SIK3: variants seen among roughly 807,000 people sequenced by gnomAD.
The protein encoded by SIK3 is serine/threonine-protein kinase SIK3.
Under a neutral mutation model 144.2 loss-of-function variants are expected in SIK3, and 28 were observed. That is an observed-to-expected ratio of 0.19 (90% CI 0.14 to 0.27). The LOEUF (loss-of-function observed/expected upper bound fraction) is 0.27, where lower values mean the gene tolerates loss of function less well. Ranked by LOEUF, SIK3 falls within the 10% of genes least tolerant of loss-of-function variation. The pLI is 1.00. For missense variants in SIK3, 1,319 were observed against 1,776.0 expected, an observed-to-expected ratio of 0.74 and a Z score of 4.62; for synonymous variants, 686 against 676.3, an observed-to-expected ratio of 1.01 and a Z score of -0.22.
chr11:116,910,906 T>A (rs943102362), intron 4 of SIK3, among the ~76,000 whole-genome samples: 2 of 152,094 alleles, frequency 1.3e-5, no homozygotes, highest in Non-Finnish European at 2.9e-5. Context: ...ACTTTGAAGT[T>A]TTAGAATGCA....
At chr11:116,951,967 T>C (rs1948956942) in intron 3 of SIK3, among the ~76,000 whole-genome samples, 2 of 151,064 alleles carry the variant, frequency 1.3e-5, no homozygotes, top group African/African-American at 4.9e-5. Flanking sequence ...AATAAATAAA[T>C]AAATAAATAA....
rs981849580 is a variant in SIK3 at position 116,844,297 on chromosome 11, A to G, written c.*1346T>C. On this transcript the variant is annotated 3_prime_UTR_variant, in exon 25 of 25. Coordinates refer to ENST00000445177, the MANE Select transcript of SIK3 (RefSeq NM_001366686.3). ...CAAGTAAGAGCTGTTCACAATTACA[A>G]TGCCTAAAGGAAATACTTTGAACAA... 1.3e-5 allele frequency: 2 copies of G among 152,164 alleles called. No homozygotes were observed. The highest frequency in any genetic ancestry group is 4.8e-5 in the African/African-American group (2 of 41,440). 9.4% of individuals were successfully genotyped at this position (152,164 alleles called of 1,614,324 possible).
intron 1 of SIK3, among the ~76,000 whole-genome samples, chr11:117,068,249 C>G (rs1954103283): frequency 6.6e-6 from 1 of 152,118 alleles, no homozygotes; most frequent in African/African-American, 2.4e-5. Flanking sequence ...AGATCAAGCC[C>G]AAATGTCTCA....
At chr11:116,879,873 G>T (rs147593557) in intron 6 of SIK3, among the ~76,000 whole-genome samples, 1 of 152,258 alleles carries the variant, frequency 6.6e-6, no homozygotes, top group Non-Finnish European at 1.5e-5. Context: ...AGCAGCACCT[G>T]TATAGATTAT....
intron 4 of SIK3, chr11:116,904,616 C>T (rs894954582): frequency 1.3e-5 from 2 of 152,124 alleles, no homozygotes; most frequent in Non-Finnish European, 2.9e-5. Context: ...TGTTTTTTCC[C>T]TACAGCATTA....
At chr11:116,953,271 AT>A (rs901956266) in intron 3 of SIK3, among the ~76,000 whole-genome samples, 9 of 152,260 alleles carry the variant, frequency 5.9e-5, no homozygotes, top group South Asian at 2.1e-4. Context: ...ATATTGATAA[AT>A]TTTTTTTAAA....
Position 116,857,993 on chromosome 11 carries a change from C to T in SIK3, c.3472G>A (p.Asp1158Asn), listed in dbSNP as rs1943055760. The T allele has an allele frequency of 1.2e-6, 2 of 1,614,086 alleles. No homozygotes were observed. Among genetic ancestry groups the T allele is most frequent in the Admixed American group, 1.7e-5 (1 of 60,002 alleles). Residue 1158 changes from aspartate to asparagine, a missense_variant, in exon 21 of 25, where the codon GAC (aspartate) becomes AAC (asparagine). By Grantham distance (23) the Asp-to-Asn change is conservative (BLOSUM62 1). Coordinates refer to ENST00000445177, the MANE Select transcript of SIK3 (RefSeq NM_001366686.3). Reference sequence around the variant, plus strand: ...GTCAATGTACTTGAACTCTTACTGTCTTGGAAGCCATCCTTGGCCCCCTCA... The same window carrying T: ...GTCAATGTACTTGAACTCTTACTGTTTTGGAAGCCATCCTTGGCCCCCTCA... ...SCEGAKDGFQDSKSSSTLTKG... is the reference protein window; with the variant it reads ...SCEGAKDGFQNSKSSSTLTKG...
At chr11:117,037,685 G>C (rs1952571672) in intron 1 of SIK3, among the ~76,000 whole-genome samples, 1 of 152,082 alleles carries the variant, frequency 6.6e-6, no homozygotes, top group Non-Finnish European at 1.5e-5. Context: ...AACAACATAA[G>C]GCAACCAGCT....
chr11:117,053,377 G>C (rs1953353817), intron 1 of SIK3, among the ~76,000 whole-genome samples: 1 of 151,004 alleles, frequency 6.6e-6, no homozygotes, highest in South Asian at 2.1e-4. Flanking sequence ...TGCTATTATA[G>C]GTAAGTATGT....
At chr11:117,017,527 AT>A (rs1951589460) in intron 1 of SIK3, among the ~76,000 whole-genome samples, 1 of 112,734 alleles carries the variant, frequency 8.9e-6, no homozygotes, top group Admixed American at 8.6e-5. Context: ...AATAAAACAA[AT>A]GTTTTTTTAA....
intron 1 of SIK3, among the ~76,000 whole-genome samples, chr11:117,073,387 A>G (rs1027453880): frequency 3.9e-5 from 6 of 152,162 alleles, no homozygotes; most frequent in Admixed American, 6.5e-5. Context: ...TTAGAATTCT[A>G]CTGTCCAATT....
intron 1 of SIK3, among the ~76,000 whole-genome samples, chr11:116,978,035 G>A (rs190561793): frequency 1.3e-5 from 2 of 152,202 alleles, no homozygotes; most frequent in Admixed American, 6.5e-5. Context: ...TGGCTAACAC[G>A]GTGAAACCCC....
chr11:117,024,668 G>C (rs1214696421), intron 1 of SIK3, among the ~76,000 whole-genome samples: 1 of 152,158 alleles, frequency 6.6e-6, no homozygotes, highest in Non-Finnish European at 1.5e-5. Context: ...GGGAGGCCAA[G>C]GCAGTTTGTT....
At chr11:116,866,064 A>G (rs1221686009) in intron 15 of SIK3, among the ~76,000 whole-genome samples, 1 of 152,184 alleles carries the variant, frequency 6.6e-6, no homozygotes, top group Non-Finnish European at 1.5e-5. Flanking sequence ...CAATGACTCT[A>G]GGCAGGGTGG....
chr11:117,074,181 G>A (rs1954401658), intron 1 of SIK3, among the ~76,000 whole-genome samples: 1 of 152,160 alleles, frequency 6.6e-6, no homozygotes, highest in South Asian at 2.1e-4. Flanking sequence ...ATAGTGCTCT[G>A]CCAGTGCCTA....
intron 1 of SIK3, among the ~76,000 whole-genome samples, chr11:117,027,388 C>T (rs1027002658): frequency 2.0e-5 from 3 of 152,142 alleles, no homozygotes; most frequent in African/African-American, 7.2e-5. Context: ...ACATCCTAGA[C>T]CATAAGCATC....
At chr11:117,053,650 C>A (rs11826742) in intron 1 of SIK3, among the ~76,000 whole-genome samples, 3 of 150,568 alleles carry the variant, frequency 2.0e-5, no homozygotes, top group Non-Finnish European at 3.0e-5. Flanking sequence ...CTCTTTCCCC[C>A]CTCCCACCCT....
At chr11:116,893,114 T>C (rs1248635465) in intron 6 of SIK3, among the ~76,000 whole-genome samples, 1 of 152,200 alleles carries the variant, frequency 6.6e-6, no homozygotes, top group African/African-American at 2.4e-5. Flanking sequence ...CAATTTTATA[T>C]GTATTATAGT....
intron 4 of SIK3, among the ~76,000 whole-genome samples, chr11:116,917,876 A>AAGGAAAGGAAAGGAAAGGAAAGGAAAGGG (rs1351722137): frequency 2.1e-5 from 1 of 46,546 alleles, no homozygotes; most frequent in African/African-American, 1.2e-4. Context: ...GAAAGGGAGA[A>AAGGAAAGGAAAGGAAAGGAAAGGAAAGGG]ACAAACAAAC....
Sources: gnomAD v4.1 joint callset for allele counts (sites outside exome capture counted in the v4.1 genomes callset) on GRCh38, gnomAD v4.1.1 for gene constraint, MANE v1.5 for transcripts, NCBI Gene and HGNC (gene_info 2026-07-23, HGNC 2026-07-21) for gene names.